Variants in RANBP2 observed in about 807,000 individuals in gnomAD.
RANBP2 encodes the protein E3 SUMO-protein ligase RanBP2.
A neutral mutation model predicts 303.6 loss-of-function variants in RANBP2; 57 were observed. That is an observed-to-expected ratio of 0.19 (90% CI 0.15 to 0.23). RANBP2 has a LOEUF of 0.23. Among genes scored for constraint, RANBP2 ranks in the 10% least tolerant of loss-of-function variants. The probability of loss-of-function intolerance (pLI) is 1.00; values close to 1 mark genes in which losing one functional copy is unlikely to be tolerated. For synonymous variants in RANBP2, 1,167 were observed against 1,301.5 expected, an observed-to-expected ratio of 0.90 and a Z score of 2.23; for missense variants, 3,138 against 3,780.8, an observed-to-expected ratio of 0.83 and a Z score of 4.46.
At chr2:108,919,469 C>T in the RANBP2 span, among the ~76,000 whole-genome samples, 2 of 152,200 alleles carry the variant, frequency 1.3e-5, no homozygotes, top group Non-Finnish European at 2.9e-5. Context: ...AGTGATTCTC[C>T]TGCCTCAGCC....
At chr2:108,746,208 CTTTT>C (rs35544546) in intron 7 of RANBP2, among the ~76,000 whole-genome samples, 7 of 90,556 alleles carry the variant, frequency 7.7e-5, no homozygotes, top group Admixed American at 1.2e-4. Context: ...ATGTCTGGCC[CTTTT>C]TTTTTTTTTT....
At chr2:108,786,798 G>C (rs367928075), downstream of RANBP2, 2 of 1,570,524 alleles carry the variant, frequency 1.3e-6, no homozygotes, top group East Asian at 2.3e-5. Context: ...GGTTCCCGGG[G>C]AGACTGGTAC....
the RANBP2 span, among the ~76,000 whole-genome samples, chr2:108,860,812 T>A: frequency 2.0e-5 from 3 of 151,952 alleles, no homozygotes; most frequent in Non-Finnish European, 2.9e-5. Flanking sequence ...TGATACTGGG[T>A]TTTGGAATGA....
chr2:109,161,055 G>A, the RANBP2 span, among the ~76,000 whole-genome samples: 2 of 152,172 alleles, frequency 1.3e-5, no homozygotes, highest in Non-Finnish European at 2.9e-5. Flanking sequence ...GGCAGAAGTA[G>A]GTGAGGGTGC....
At chr2:109,554,238 A>G in the RANBP2 span, among the ~76,000 whole-genome samples, 2 of 152,200 alleles carry the variant, frequency 1.3e-5, no homozygotes, top group African/African-American at 4.8e-5. Flanking sequence ...GGAAAATTGT[A>G]AAGATCACCT....
chr2:109,214,130 C>G, the RANBP2 span, among the ~76,000 whole-genome samples: 6 of 152,102 alleles, frequency 3.9e-5, no homozygotes, highest in African/African-American at 1.4e-4. Flanking sequence ...GCCGGGTGCC[C>G]CCATGCTGCG....
chr2:109,108,559 C>T, the RANBP2 span, among the ~76,000 whole-genome samples: 1 of 152,190 alleles, frequency 6.6e-6, no homozygotes, highest in African/African-American at 2.4e-5. Flanking sequence ...GGCTGTTACA[C>T]ACATGGACTG....
the RANBP2 span, among the ~76,000 whole-genome samples, chr2:109,190,616 T>G: frequency 6.6e-6 from 1 of 152,322 alleles, no homozygotes; most frequent in South Asian, 2.1e-4. Flanking sequence ...TGCAACTAAT[T>G]ATATTGCAGC....
At chr2:109,447,147 TAAAAAAAAAAA>T in the RANBP2 span, among the ~76,000 whole-genome samples, 1 of 82,704 alleles carries the variant, frequency 1.2e-5, no homozygotes, top group East Asian at 3.1e-4. Flanking sequence ...CCTGAATATT[TAAAAAAAAAAA>T]AAAAAAAAAA....
chr2:108,892,430 C>T, the RANBP2 span, among the ~76,000 whole-genome samples: 6 of 152,170 alleles, frequency 3.9e-5, no homozygotes, highest in African/African-American at 1.2e-4. Flanking sequence ...TGTGGAAGTG[C>T]TTGCAGCTCA....
rs1694071028 is a variant in RANBP2 at position 108,719,823 on chromosome 2, G to A, written c.72+145G>A. 4.1e-6 allele frequency: 6 copies of A among 1,446,020 alleles called. No individual in the cohort carries two copies. The South Asian group carries it at 8.6e-5, about 21-fold the overall frequency. 89.6% of individuals were successfully genotyped at this position (1,446,020 alleles called of 1,614,324 possible). Reference sequence around the variant, plus strand: ...CGGCTGGCGCAGTCCTGTGGGCGGCGTGGCGCTTGCAAGCGCATGAAGAGT... The same window carrying A: ...CGGCTGGCGCAGTCCTGTGGGCGGCATGGCGCTTGCAAGCGCATGAAGAGT... On this transcript the variant is annotated intron_variant, in intron 1 of 28. Transcript: ENST00000283195.
At chr2:108,920,380 G>T in the RANBP2 span, among the ~76,000 whole-genome samples, 1 of 152,200 alleles carries the variant, frequency 6.6e-6, no homozygotes, top group Non-Finnish European at 1.5e-5. Flanking sequence ...AGGGCAACGG[G>T]TTGACCTCCC....
chr2:109,679,858 G>A, the RANBP2 span, among the ~76,000 whole-genome samples: 7 of 152,288 alleles, frequency 4.6e-5, 1 homozygote, highest in South Asian at 1.5e-3. Context: ...CTGTGAATAA[G>A]TTTCCAGCCA....
At chr2:108,724,947 AGAGT>A (rs1044912400) in intron 1 of RANBP2, among the ~76,000 whole-genome samples, 2 of 152,182 alleles carry the variant, frequency 1.3e-5, no homozygotes, top group African/African-American at 4.8e-5. Flanking sequence ...GATGGGCGAC[AGAGT>A]GAGACTCCAT....
downstream of RANBP2, among the ~76,000 whole-genome samples, chr2:108,786,006 G>C (rs1678622083): frequency 6.6e-6 from 1 of 152,074 alleles, no homozygotes. Context: ...TTATGAATGA[G>C]AAAAATGAAG....
the RANBP2 span, among the ~76,000 whole-genome samples, chr2:109,273,102 C>G: frequency 4.6e-5 from 7 of 152,232 alleles, no homozygotes; most frequent in African/African-American, 1.7e-4. Flanking sequence ...TGAAGAGATA[C>G]TGGTTCTTGA....
At chr2:109,522,235 A>T in the RANBP2 span, among the ~76,000 whole-genome samples, 4 of 151,946 alleles carry the variant, frequency 2.6e-5, no homozygotes, top group Admixed American at 2.6e-4. Context: ...ATCTGAGAAG[A>T]AAATACCAGT....
chr2:108,720,639 A>G (rs1422043535), intron 1 of RANBP2, among the ~76,000 whole-genome samples: 1 of 152,202 alleles, frequency 6.6e-6, no homozygotes. Flanking sequence ...TCATCCATAG[A>G]TGGAGTTGTA....
chr2:109,288,240 A>G, the RANBP2 span, among the ~76,000 whole-genome samples: 1 of 152,248 alleles, frequency 6.6e-6, no homozygotes, highest in Non-Finnish European at 1.5e-5. Flanking sequence ...AAGAACAAAG[A>G]AAGTTAAAAA....
Sources: gnomAD v4.1 joint callset for allele counts (sites outside exome capture counted in the v4.1 genomes callset) on GRCh38, gnomAD v4.1.1 for gene constraint, MANE v1.5 for transcripts, NCBI Gene and HGNC (gene_info 2026-07-23, HGNC 2026-07-21) for gene names.